NCOA2: variants seen among roughly 807,000 people sequenced by gnomAD.
NCOA2 encodes the protein nuclear receptor coactivator 2.
NCOA2 carries 21 observed loss-of-function variants against 145.1 expected under a neutral mutation model. That is an observed-to-expected ratio of 0.14 (90% CI 0.10 to 0.21). The LOEUF is 0.21. Ranked by LOEUF, NCOA2 falls within the 10% of genes least tolerant of loss-of-function variation. NCOA2 has a pLI of 1.00. For missense variants in NCOA2, 1,472 were observed against 1,837.6 expected (o/e 0.80, Z 3.64); for synonymous variants, 619 against 637.5 (o/e 0.97, Z 0.44).
At position 70,259,744 on chromosome 8, in the gene NCOA2, T is replaced by C. The variant is rs1586282990; in HGVS notation, c.-20+37000A>G. On this transcript the variant is annotated intron_variant, in intron 2 of 22. Coordinates refer to ENST00000452400, the MANE Select transcript of NCOA2 (RefSeq NM_006540.4). ...GAAAAAATATTATCAAAGCAATGAT[T>C]AAATAAAAATAAGAATCACTCAATA... Among the ~76,000 whole-genome samples, 4 of 152,156 alleles carry C rather than the reference T, an allele frequency of 2.6e-5. No individual in the cohort carries two copies. In the South Asian group the frequency reaches 8.3e-4, roughly 32 times the overall value.
At chr8:70,160,046 G>A (rs1025519997) in intron 9 of NCOA2, among the ~76,000 whole-genome samples, 1 of 152,146 alleles carries the variant, frequency 6.6e-6, no homozygotes, top group Non-Finnish European at 1.5e-5. Context: ...TATACAATAT[G>A]ACTTTAATTT....
the NCOA2 span, among the ~76,000 whole-genome samples, chr8:70,426,056 A>G: frequency 6.6e-6 from 1 of 152,230 alleles, no homozygotes; most frequent in Non-Finnish European, 1.5e-5. Flanking sequence ...AGCAGAGAAT[A>G]AAAATTAGAT....
At chr8:70,188,845 T>C (rs1274150576) in intron 4 of NCOA2, among the ~76,000 whole-genome samples, 2 of 152,208 alleles carry the variant, frequency 1.3e-5, no homozygotes, top group Non-Finnish European at 2.9e-5. Flanking sequence ...GACATTGCTG[T>C]TATGAATTAA....
intron 10 of NCOA2, among the ~76,000 whole-genome samples, chr8:70,159,242 A>ATATT: frequency 1.6e-5 from 1 of 61,076 alleles, no homozygotes; most frequent in African/African-American, 5.4e-5. Flanking sequence ...ATATATATAT[A>ATATT]TTTTTTTTTT....
intron 2 of NCOA2, among the ~76,000 whole-genome samples, chr8:70,235,027 C>T (rs1032103100): frequency 6.6e-6 from 1 of 152,160 alleles, no homozygotes; most frequent in African/African-American, 2.4e-5. Flanking sequence ...CATCCATGCT[C>T]TAAGCAGCAT....
At chr8:70,328,965 C>A (rs1315562230) in intron 1 of NCOA2, among the ~76,000 whole-genome samples, 1 of 150,888 alleles carries the variant, frequency 6.6e-6, no homozygotes, top group African/African-American at 2.4e-5. Context: ...TTTTTTTTTC[C>A]TTCTTAGAGA....
rs1811364853 is a variant in NCOA2 at position 70,148,500 on chromosome 8, G to A, written c.2395-17C>T. 6.2e-7 allele frequency: 1 copy of A among 1,610,174 alleles called. No homozygotes were observed. Among genetic ancestry groups the A allele is most frequent in the East Asian group, 2.2e-5 (1 of 44,856 alleles). ...ACTGCCAGGCTGTAGTTGACAAACA[G>A]AAGAGTTTATCCAGTCTACTCTAAG... On this transcript the variant is annotated splice_polypyrimidine_tract_variant and intron_variant, in intron 11 of 22. Coordinates refer to ENST00000452400, the MANE Select transcript of NCOA2 (RefSeq NM_006540.4).
At chr8:70,387,222 T>C (rs942445165) in intron 1 of NCOA2, among the ~76,000 whole-genome samples, 3 of 152,146 alleles carry the variant, frequency 2.0e-5, no homozygotes, top group Non-Finnish European at 2.9e-5. Context: ...TGCAGTACAG[T>C]GGCTATTCAT....
chr8:70,410,641 G>A, the NCOA2 span, among the ~76,000 whole-genome samples: 9 of 152,130 alleles, frequency 5.9e-5, no homozygotes, highest in African/African-American at 1.2e-4. Context: ...TCATGATAGT[G>A]AAAACCTGGA....
In NCOA2 at chr8:70,116,186, T is replaced by TA. The variant is rs71558579; in HGVS notation, c.4384-2544dup. On this transcript the variant is annotated intron_variant, in intron 22 of 22. Transcript: ENST00000452400. ...TGGGCGACAAAGCGAGACTCTGTCT[T>TA]AAAAAAAAAAAAAAAAAAAAAGGAT... is the stretch of plus-strand genomic sequence containing the variant. Among the ~76,000 whole-genome samples the TA allele has an allele frequency of 4.6e-3, 375 of 80,654 alleles. 2 individuals are homozygous for TA. Among genetic ancestry groups the TA allele is most frequent in the Middle Eastern group, 0.01 (1 of 98 alleles). The allele number at this position is 80,654 out of a possible 152,430, so 52.9% of individuals were successfully genotyped here. A position where few individuals can be genotyped will look rare whatever the true frequency, so the allele number is the denominator to read the frequency against.
chr8:70,402,987 C>A (rs186936095), intron 1 of NCOA2, among the ~76,000 whole-genome samples: 2 of 145,630 alleles, frequency 1.4e-5, no homozygotes, highest in African/African-American at 5.0e-5. Context: ...CCTCGCCCCC[C>A]ACCCCCGGGG....
chr8:70,364,098 C>T (rs1810456498), intron 1 of NCOA2, among the ~76,000 whole-genome samples: 1 of 151,840 alleles, frequency 6.6e-6, no homozygotes, highest in South Asian at 2.1e-4. Context: ...GACACAGTCT[C>T]CAGTTAGAAA....
chr8:70,434,593 G>C, the NCOA2 span, among the ~76,000 whole-genome samples: 34 of 152,108 alleles, frequency 2.2e-4, no homozygotes, highest in African/African-American at 8.2e-4. Flanking sequence ...TTTGGAAACA[G>C]GGTCTTGCTC....
At chr8:70,237,026 T>C (rs569181311) in intron 2 of NCOA2, among the ~76,000 whole-genome samples, 2 of 152,318 alleles carry the variant, frequency 1.3e-5, no homozygotes, top group South Asian at 4.1e-4. Context: ...TGTAAAAAAA[T>C]CCTAGGCCCT....
chr8:70,203,745 C>T (rs981440406), intron 4 of NCOA2, among the ~76,000 whole-genome samples: 1 of 152,112 alleles, frequency 6.6e-6, no homozygotes, highest in African/African-American at 2.4e-5. Context: ...ATTCATTTCT[C>T]AAAAATTGGC....
intron 1 of NCOA2, among the ~76,000 whole-genome samples, chr8:70,347,922 A>C (rs2136614629): frequency 6.6e-6 from 1 of 152,344 alleles, no homozygotes; most frequent in South Asian, 2.1e-4. Context: ...ACTTCTTAAG[A>C]AGAGAGTGTA....
intron 12 of NCOA2, among the ~76,000 whole-genome samples, chr8:70,147,098 C>T (rs1468603455): frequency 6.6e-6 from 1 of 151,332 alleles, no homozygotes; most frequent in Non-Finnish European, 1.5e-5. Context: ...TGAGAGGTCA[C>T]ATGCAAATCT....
intron 1 of NCOA2, among the ~76,000 whole-genome samples, chr8:70,381,027 G>A (rs1456374334): frequency 1.3e-5 from 2 of 150,176 alleles, no homozygotes; most frequent in Non-Finnish European, 2.9e-5. Flanking sequence ...AGTGGAGATG[G>A]CACAACTGCA....
At chr8:70,304,937 G>A (rs372927800) in intron 1 of NCOA2, among the ~76,000 whole-genome samples, 9 of 149,926 alleles carry the variant, frequency 6.0e-5, no homozygotes, top group African/African-American at 1.7e-4. Context: ...GCTCACTGCA[G>A]CCTCGACCTC....
Sources: allele counts gnomAD v4.1 joint callset (sites outside exome capture counted in the v4.1 genomes callset), GRCh38; gene constraint gnomAD v4.1.1; transcripts MANE v1.5; gene names NCBI Gene and HGNC (gene_info 2026-07-23, HGNC 2026-07-21).